The following SRGAP1 variants were observed in gnomAD, a reference collection of about 807,000 sequenced individuals.
SRGAP1 encodes SLIT-ROBO Rho GTPase-activating protein 1.
Under a neutral mutation model 121.9 loss-of-function variants are expected in SRGAP1, and 43 were observed. The ratio of observed to expected loss-of-function variants is 0.35; its 90% CI spans 0.28 to 0.46. The LOEUF is 0.46. Among genes scored for constraint, SRGAP1 ranks in the 20% least tolerant of loss-of-function variants. The probability of loss-of-function intolerance (pLI) is 1.00; values close to 1 mark genes in which losing one functional copy is unlikely to be tolerated. For synonymous variants in SRGAP1, 447 were observed against 485.4 expected, an observed-to-expected ratio of 0.92 and a Z score of 1.04; for missense variants, 1,102 against 1,350.9, an observed-to-expected ratio of 0.82 and a Z score of 2.89.
intron 8 of SRGAP1, among the ~76,000 whole-genome samples, chr12:64,075,025 G>A (rs1040072727): frequency 2.6e-5 from 4 of 151,518 alleles, no homozygotes; most frequent in East Asian, 1.9e-4. Context: ...AGACCACCTC[G>A]GTCGGGGAGA....
Position 63,989,879 on chromosome 12 carries a change from G to C in SRGAP1, c.264-31G>C, listed in dbSNP as rs181778886. 46 of 1,567,650 alleles carry C rather than the reference G, an allele frequency of 2.9e-5. No homozygotes were observed. The East Asian group carries it at 5.4e-4, about 18-fold the overall frequency. ...ATCTGATTGGGGCAACTTTGAAATGGGTGGTAATTCTGTGTTTCTTCACTT... is the reference window on the plus strand; with the variant it reads ...ATCTGATTGGGGCAACTTTGAAATGCGTGGTAATTCTGTGTTTCTTCACTT... On this transcript the variant is annotated intron_variant, in intron 2 of 21. Transcript: ENST00000355086.
chr12:64,044,792 T>C (rs1053421242), intron 6 of SRGAP1, among the ~76,000 whole-genome samples: 13 of 150,770 alleles, frequency 8.6e-5, no homozygotes, highest in Non-Finnish European at 1.6e-4. Flanking sequence ...GCGATTCTTT[T>C]GCCTCAGCTT....
chr12:63,867,494 A>G (rs760758056), intron 1 of SRGAP1, among the ~76,000 whole-genome samples: 16 of 152,230 alleles, frequency 1.1e-4, no homozygotes, highest in Non-Finnish European at 1.9e-4. Flanking sequence ...TCAACACAGT[A>G]TAGAGGTTGA....
At chr12:64,111,466 C>T (rs1417657279) in intron 16 of SRGAP1, among the ~76,000 whole-genome samples, 7 of 152,154 alleles carry the variant, frequency 4.6e-5, no homozygotes, top group Middle Eastern at 3.4e-3. Context: ...AGAGCTTGAC[C>T]GTCACATTTG....
intron 1 of SRGAP1, chr12:63,983,029 T>C (rs1234185372): frequency 6.6e-6 from 1 of 152,238 alleles, no homozygotes; most frequent in East Asian, 1.9e-4. Context: ...AAGAGGCCTT[T>C]TTGTTGTGAA....
intron 1 of SRGAP1, among the ~76,000 whole-genome samples, chr12:63,883,463 T>A (rs574496267): frequency 6.6e-6 from 1 of 152,312 alleles, no homozygotes; most frequent in East Asian, 1.9e-4. Context: ...CTTGTTGTTA[T>A]GACCAAACGC....
intron 1 of SRGAP1, among the ~76,000 whole-genome samples, chr12:63,852,705 G>A (rs969871714): frequency 5.3e-5 from 8 of 152,134 alleles, no homozygotes; most frequent in Non-Finnish European, 1.2e-4. Flanking sequence ...ACTTACCTGT[G>A]GGTGAAAAAG....
At chr12:63,948,870 TATATATATTTTCC>T (rs1565963911) in intron 1 of SRGAP1, among the ~76,000 whole-genome samples, 1 of 119,506 alleles carries the variant, frequency 8.4e-6, no homozygotes, top group Non-Finnish European at 1.7e-5. Flanking sequence ...ATATATTCCA[TATATATATTTTCC>T]ATATATATAT....
intron 1 of SRGAP1, among the ~76,000 whole-genome samples, chr12:63,934,151 A>G (rs1218857284): frequency 6.6e-6 from 1 of 152,144 alleles, no homozygotes; most frequent in African/African-American, 2.4e-5. Context: ...GACTCTTCCT[A>G]CTTATGTCAG....
At chr12:63,939,381 G>GC (rs2031781697) in intron 1 of SRGAP1, among the ~76,000 whole-genome samples, 1 of 152,008 alleles carries the variant, frequency 6.6e-6, no homozygotes, top group Admixed American at 6.6e-5. Context: ...CCTTGGAATG[G>GC]CAAGTGTCCT....
At chr12:64,017,721 T>C (rs1463870518) in intron 4 of SRGAP1, among the ~76,000 whole-genome samples, 3 of 152,158 alleles carry the variant, frequency 2.0e-5, no homozygotes, top group Admixed American at 2.0e-4. Flanking sequence ...TCTGGTACTT[T>C]CTTTTTTTCC....
intron 8 of SRGAP1, among the ~76,000 whole-genome samples, chr12:64,071,709 AC>A (rs1306479989): frequency 1.3e-5 from 2 of 152,216 alleles, no homozygotes; most frequent in African/African-American, 4.8e-5. Flanking sequence ...GTCCTGAGCA[AC>A]AATGATGTTT....
intron 4 of SRGAP1, among the ~76,000 whole-genome samples, chr12:64,029,999 C>T (rs2034739838): frequency 6.6e-6 from 1 of 152,082 alleles, no homozygotes; most frequent in African/African-American, 2.4e-5. Flanking sequence ...TCTCTTTACC[C>T]CACTACAATG....
chr12:64,089,243 C>T (rs2036003123), intron 11 of SRGAP1, among the ~76,000 whole-genome samples: 1 of 152,182 alleles, frequency 6.6e-6, no homozygotes, highest in Non-Finnish European at 1.5e-5. Flanking sequence ...AGGGATAGTC[C>T]CTATGCCCCA....
chr12:64,138,448 T>A (rs1359200157), intron 21 of SRGAP1, among the ~76,000 whole-genome samples: 1 of 42,710 alleles, frequency 2.3e-5, no homozygotes. Context: ...TAAATTGACT[T>A]TTTTTTTTTT....
At chr12:64,000,995 A>AG (rs2033877402) in intron 3 of SRGAP1, among the ~76,000 whole-genome samples, 1 of 152,200 alleles carries the variant, frequency 6.6e-6, no homozygotes, top group South Asian at 2.1e-4. Flanking sequence ...TCCCCACTTG[A>AG]GAAAATATCA....
chr12:63,922,022 A>G (rs1420361911), intron 1 of SRGAP1, among the ~76,000 whole-genome samples: 1 of 150,286 alleles, frequency 6.7e-6, no homozygotes, highest in Non-Finnish European at 1.5e-5. Flanking sequence ...TCTGTCGCTC[A>G]GGCTGGAGTG....
intron 21 of SRGAP1, among the ~76,000 whole-genome samples, chr12:64,135,780 C>T (rs983611690): frequency 1.3e-5 from 2 of 152,158 alleles, no homozygotes; most frequent in Non-Finnish European, 2.9e-5. Flanking sequence ...AGAACCACTC[C>T]TGGTACCAAA....
chr12:64,033,376 G>GT (rs1381779495), intron 4 of SRGAP1, among the ~76,000 whole-genome samples: 2 of 152,108 alleles, frequency 1.3e-5, no homozygotes, highest in Non-Finnish European at 2.9e-5. Context: ...CCTAAAGACC[G>GT]TATCTCATGC....
Sources: gnomAD v4.1 joint callset for allele counts (sites outside exome capture counted in the v4.1 genomes callset) on GRCh38, gnomAD v4.1.1 for gene constraint, MANE v1.5 for transcripts, NCBI Gene and HGNC (gene_info 2026-07-23, HGNC 2026-07-21) for gene names.